Variants in NEBL observed in about 807,000 individuals in gnomAD.
NEBL encodes the protein LIM and SH3 protein 2.
Under a neutral mutation model 140.2 loss-of-function variants are expected in NEBL, and 122 were observed. The ratio of observed to expected loss-of-function variants is 0.87; its 90% CI spans 0.75 to 1.01. NEBL has a LOEUF of 1.01. NEBL is among the 50% of genes least tolerant of loss of function. The pLI is 0.00. For missense variants in NEBL, 1,365 were observed against 1,231.3 expected, an observed-to-expected ratio of 1.11 and a Z score of -1.62; for synonymous variants, 436 against 398.9, an observed-to-expected ratio of 1.09 and a Z score of -1.11.
chr10:21,235,236 C>T (rs1283626269), intron 3 of NEBL, among the ~76,000 whole-genome samples: 2 of 152,064 alleles, frequency 1.3e-5, no homozygotes, highest in Non-Finnish European at 2.9e-5. Flanking sequence ...GTTGCGGCTG[C>T]AGTGAGCTAC....
At chr10:20,984,408 A>C (rs1837172849) in intron 3 of NEBL, among the ~76,000 whole-genome samples, 1 of 152,212 alleles carries the variant, frequency 6.6e-6, no homozygotes, top group South Asian at 2.1e-4. Context: ...TGTAGGACAA[A>C]ATAAAATATT....
At chr10:21,260,937 G>A (rs1842729752) in intron 1 of NEBL, among the ~76,000 whole-genome samples, 1 of 152,180 alleles carries the variant, frequency 6.6e-6, no homozygotes, top group African/African-American at 2.4e-5. Context: ...TAAACCTCAT[G>A]GTGGTGCACG....
chr10:20,957,437 ATG>A (rs1835858663), intron 4 of NEBL, among the ~76,000 whole-genome samples: 1 of 152,198 alleles, frequency 6.6e-6, no homozygotes, highest in African/African-American at 2.4e-5. Context: ...ATTCTTATAA[ATG>A]GGTATGCGAA....
chr10:20,885,804 T>C (rs1846462974), intron 4 of NEBL, among the ~76,000 whole-genome samples: 2 of 152,204 alleles, frequency 1.3e-5, no homozygotes, highest in African/African-American at 2.4e-5. Context: ...TGACCCACAT[T>C]ATCAGCAAGT....
intron 13 of NEBL, among the ~76,000 whole-genome samples, chr10:20,838,444 A>G (rs1201036660): frequency 6.6e-6 from 1 of 152,202 alleles, no homozygotes; most frequent in African/African-American, 2.4e-5. Context: ...ATGGATAAGG[A>G]GTTGCTTCCA....
chr10:21,156,248 T>C (rs1464490383), intron 2 of NEBL, among the ~76,000 whole-genome samples: 5 of 152,216 alleles, frequency 3.3e-5, no homozygotes, highest in East Asian at 3.8e-4. Context: ...TTTGGCATCT[T>C]TTTGGTGTGG....
At chr10:20,844,735 G>A (rs1841744769) in intron 12 of NEBL, among the ~76,000 whole-genome samples, 4 of 151,936 alleles carry the variant, frequency 2.6e-5, no homozygotes, top group Admixed American at 2.0e-4. Context: ...CTACTTATAA[G>A]TAATGTAGCA....
At chr10:21,096,644 G>A (rs1837200804) in intron 2 of NEBL, among the ~76,000 whole-genome samples, 1 of 151,982 alleles carries the variant, frequency 6.6e-6, no homozygotes, top group African/African-American at 2.4e-5. Flanking sequence ...TTTCCCAGTA[G>A]CTGGGACCAC....
chr10:21,109,919 G>A (rs1269398890), intron 2 of NEBL, among the ~76,000 whole-genome samples: 1 of 151,962 alleles, frequency 6.6e-6, no homozygotes, highest in Non-Finnish European at 1.5e-5. Context: ...TCCAGCTAGT[G>A]GTCTATCTAT....
chr10:21,287,339 C>T (rs1843070021), intron 1 of NEBL, among the ~76,000 whole-genome samples: 1 of 152,124 alleles, frequency 6.6e-6, no homozygotes, highest in Non-Finnish European at 1.5e-5. Context: ...AGTCTGGGAC[C>T]AGCCTGGGCA....
chr10:20,796,367 GAAAAA>G (rs57844177), intron 26 of NEBL, among the ~76,000 whole-genome samples: 3 of 51,500 alleles, frequency 5.8e-5, no homozygotes, highest in African/African-American at 2.0e-4. Flanking sequence ...TCTAAAACAA[GAAAAA>G]AAAAAAAAAA....
Position 21,041,014 on chromosome 10 carries a change from A to G in NEBL, c.165-20813T>C, listed in dbSNP as rs535584103. ...AGCCCATTTTCTTTATTAATTACCC[A>G]GTCTCAGGTAGTTCCTTATAGCAAT... On this transcript the variant is annotated intron_variant, in intron 2 of 6. Transcript: ENST00000417816. Among the ~76,000 whole-genome samples, 155 of 152,278 alleles carry G rather than the reference A, an allele frequency of 1.0e-3. 2 individuals carry two copies. The South Asian group carries it at 0.031, about 31-fold the overall frequency.
chr10:21,127,875 A>G (rs891102297), intron 2 of NEBL, among the ~76,000 whole-genome samples: 18 of 152,320 alleles, frequency 1.2e-4, no homozygotes, highest in African/African-American at 4.3e-4. Flanking sequence ...AAAACAAAAG[A>G]CTTTGCAATT....
At chr10:21,242,920 A>C (rs111884481) in intron 3 of NEBL, among the ~76,000 whole-genome samples, 7 of 152,302 alleles carry the variant, frequency 4.6e-5, no homozygotes, top group African/African-American at 1.7e-4. Flanking sequence ...AAAAAGCCAC[A>C]ATGAGCCCCA....
At chr10:21,184,290 A>C (rs939976564) in intron 3 of NEBL, among the ~76,000 whole-genome samples, 1 of 152,218 alleles carries the variant, frequency 6.6e-6, no homozygotes, top group Non-Finnish European at 1.5e-5. Context: ...GTCCTGTGGC[A>C]ATCAACAACA....
At chr10:21,172,849 A>C (rs1358122614) in intron 1 of NEBL, among the ~76,000 whole-genome samples, 1 of 152,160 alleles carries the variant, frequency 6.6e-6, no homozygotes, top group Non-Finnish European at 1.5e-5. Context: ...GTCTAAATGC[A>C]GGGTTTGTAG....
intron 1 of NEBL, among the ~76,000 whole-genome samples, chr10:21,281,834 C>T (rs1295544591): frequency 6.6e-6 from 1 of 152,196 alleles, no homozygotes; most frequent in Non-Finnish European, 1.5e-5. Flanking sequence ...CTCATCCCTC[C>T]GTCCCTTCAA....
At chr10:21,009,163 T>C (rs903815522) in intron 3 of NEBL, among the ~76,000 whole-genome samples, 1 of 152,176 alleles carries the variant, frequency 6.6e-6, no homozygotes, top group Non-Finnish European at 1.5e-5. Flanking sequence ...AAAGCCATTC[T>C]AGAGGTTTTT....
chr10:20,833,656 G>A (rs904008371), intron 14 of NEBL, among the ~76,000 whole-genome samples: 1 of 151,968 alleles, frequency 6.6e-6, no homozygotes, highest in East Asian at 1.9e-4. Context: ...TTCTCCTGCT[G>A]GGTTAAGAAT....
Sources: allele counts gnomAD v4.1 joint callset (sites outside exome capture counted in the v4.1 genomes callset), GRCh38; gene constraint gnomAD v4.1.1; transcripts MANE v1.5; gene names NCBI Gene and HGNC (gene_info 2026-07-23, HGNC 2026-07-21).